Variants in HHLA2 observed in about 807,000 individuals in gnomAD.
The protein encoded by HHLA2 is HHLA2 member of B7 family.
HHLA2 carries 48 observed loss-of-function variants against 45.9 expected under a neutral mutation model. The ratio of observed to expected loss-of-function variants is 1.05; its 90% confidence interval spans 0.83 to 1.33. HHLA2 has a LOEUF of 1.33. Among genes scored for constraint, HHLA2 ranks in the 40% most tolerant of loss-of-function variants. The pLI, the probability that HHLA2 is intolerant of heterozygous loss-of-function variation, is 0.00. For missense variants in HHLA2, 462 were observed against 494.3 expected (o/e 0.93, Z 0.62); for synonymous variants, 161 against 173.9 (o/e 0.93, Z 0.59).
At chr3:108,310,923 T>C (rs776464802) in intron 2 of HHLA2, among the ~76,000 whole-genome samples, 182 bp downstream of exon 2, 5 of 152,194 alleles carry the variant, frequency 3.3e-5, no homozygotes, top group Admixed American at 6.5e-5. Flanking sequence ...AGTATTACCA[T>C]TCACCAAAAT....
chr3:108,328,438 C>A, intron 3 of HHLA2: 2 of 755,648 alleles, frequency 2.6e-6, no homozygotes, highest in South Asian at 2.0e-5. Flanking sequence ...ATTTTAATTG[C>A]TTTGCAAATA....
At chr3:108,321,228 C>T (rs1046347214) in intron 2 of HHLA2, among the ~76,000 whole-genome samples, 3 of 151,972 alleles carry the variant, frequency 2.0e-5, no homozygotes, top group African/African-American at 7.3e-5. Flanking sequence ...GTCTGTTCAC[C>T]ATCCTCCTAG....
chr3:108,375,919 T>G, intron 9 of HHLA2, 119 bp downstream of exon 8: 3 of 1,324,728 alleles, frequency 2.3e-6, no homozygotes, highest in Non-Finnish European at 3.0e-6. Flanking sequence ...ATTCCATACT[T>G]CTGCAGTGAG....
At chr3:108,354,321 ATCAC>A (rs1490926172) in intron 5 of HHLA2, among the ~76,000 whole-genome samples, 1 of 151,978 alleles carries the variant, frequency 6.6e-6, no homozygotes, top group Non-Finnish European at 1.5e-5. Context: ...TACAGTTAAT[ATCAC>A]TCAGACAGAG....
intron 3 of HHLA2, among the ~76,000 whole-genome samples, chr3:108,348,518 G>T (rs1479234076): frequency 6.6e-6 from 1 of 152,116 alleles, no homozygotes; most frequent in East Asian, 1.9e-4. Flanking sequence ...AGTAAGGGGA[G>T]AATTTTTTGT....
At chr3:108,301,882 A>G (rs140762157) in intron 1 of HHLA2, among the ~76,000 whole-genome samples, 43 of 152,146 alleles carry the variant, frequency 2.8e-4, no homozygotes, top group African/African-American at 9.6e-4. Flanking sequence ...GAGTGACTCG[A>G]GTGACTCGCA....
At chr3:108,356,373 T>C (rs1334778228) in intron 6 of HHLA2, among the ~76,000 whole-genome samples, 3 of 152,080 alleles carry the variant, frequency 2.0e-5, no homozygotes. Flanking sequence ...TTTCTGTCAG[T>C]CTCCCTTATA....
intron 3 of HHLA2, among the ~76,000 whole-genome samples, chr3:108,340,194 A>C (rs2081540400): frequency 6.6e-6 from 1 of 152,188 alleles, no homozygotes; most frequent in South Asian, 2.1e-4. Flanking sequence ...TGCCAGAGAT[A>C]GGTTAAATAG....
At chr3:108,303,875 A>G (rs1267502224) in intron 1 of HHLA2, among the ~76,000 whole-genome samples, 1 of 151,990 alleles carries the variant, frequency 6.6e-6, no homozygotes, top group Non-Finnish European at 1.5e-5. Flanking sequence ...CACCATCGCC[A>G]CCACCTCACA....
At chr3:108,371,956 C>T (rs2082183457) in intron 8 of HHLA2, among the ~76,000 whole-genome samples, 1 of 152,212 alleles carries the variant, frequency 6.6e-6, no homozygotes, top group South Asian at 2.1e-4. Context: ...GAATTGAACT[C>T]AGCTCTGCAC....
intron 1 of HHLA2, among the ~76,000 whole-genome samples, chr3:108,309,294 C>G (rs1012601248): frequency 6.6e-6 from 1 of 152,046 alleles, no homozygotes; most frequent in Non-Finnish European, 1.5e-5. Flanking sequence ...GTTCTTGGTA[C>G]CTTTGTTGAA....
chr3:108,311,099 C>T (rs2081011253), intron 2 of HHLA2, among the ~76,000 whole-genome samples: 1 of 152,132 alleles, frequency 6.6e-6, no homozygotes, highest in Non-Finnish European at 1.5e-5. Context: ...TTGTTCTACT[C>T]ATAACAAACC....
At chr3:108,364,925 A>AT (rs752886344) in intron 8 of HHLA2, among the ~76,000 whole-genome samples, 1 of 151,992 alleles carries the variant, frequency 6.6e-6, no homozygotes, top group Non-Finnish European at 1.5e-5. Context: ...GACTGCAGAA[A>AT]TTTTCTCCCA....
rs2081125042 is a variant in HHLA2 at position 108,317,684 on chromosome 3, C to T, written c.-105+6943C>T. 2.0e-5 allele frequency among the ~76,000 whole-genome samples: 3 copies of T among 151,500 alleles called. No individual in the cohort carries two copies. In the South Asian group the frequency reaches 6.3e-4, roughly 32 times the overall value. ...CTGCCTCCTAGGTTCAAGCGATTCT[C>T]CTGCCTCAGCCTCCCAAGTAGCTGG... On this transcript the variant is annotated intron_variant, in intron 2 of 10. Transcript: ENST00000619531.
chr3:108,358,114 T>TTTC, exon 7 of HHLA2: 1 of 1,613,284 alleles, frequency 6.2e-7, no homozygotes, highest in Non-Finnish European at 8.5e-7. Context: ...TTATGCAATA[T>TTTC]TTCTTCGGAT....
At position 108,311,213 on chromosome 3, in the gene HHLA2, C is replaced by T. The variant is rs112055484; in HGVS notation, c.-105+472C>T. 2.3e-3 allele frequency among the ~76,000 whole-genome samples: 354 copies of T among 152,240 alleles called. 2 individuals carry two copies. The highest frequency in any genetic ancestry group is 8.1e-3 in the African/African-American group (335 of 41,546). Reference sequence around the variant, plus strand: ...TAAGCCTGTAATCATTTTGTTAAGCCCCTTGGGATGGCCTTGGTCTAAACT... The same window carrying T: ...TAAGCCTGTAATCATTTTGTTAAGCTCCTTGGGATGGCCTTGGTCTAAACT... On this transcript the variant is annotated intron_variant, in intron 2 of 10. Coordinates refer to ENST00000619531, the Ensembl canonical transcript of HHLA2.
chr3:108,298,101 G>A (rs1010509021), intron 1 of HHLA2, among the ~76,000 whole-genome samples: 2 of 152,182 alleles, frequency 1.3e-5, no homozygotes, highest in Non-Finnish European at 2.9e-5. Flanking sequence ...CCTTTTCCAA[G>A]TATCTGCATA....
intron 2 of HHLA2, among the ~76,000 whole-genome samples, chr3:108,316,326 A>G (rs1412596720): frequency 6.6e-6 from 1 of 152,238 alleles, no homozygotes; most frequent in Non-Finnish European, 1.5e-5. Flanking sequence ...AAAACTACAT[A>G]GACATGAATG....
intron 2 of HHLA2, among the ~76,000 whole-genome samples, chr3:108,324,953 G>T (rs1042136840): frequency 6.6e-6 from 1 of 151,862 alleles, no homozygotes; most frequent in African/African-American, 2.4e-5. Flanking sequence ...ACATTAATTG[G>T]TATTTTATAC....
Sources: allele counts gnomAD v4.1 joint callset (sites outside exome capture counted in the v4.1 genomes callset), GRCh38; gene constraint gnomAD v4.1.1; transcripts MANE v1.5; gene names NCBI Gene and HGNC (gene_info 2026-07-23, HGNC 2026-07-21).